Variants in NRXN3 observed in about 807,000 individuals in gnomAD.
NRXN3 encodes the protein neurexin 3.
A neutral mutation model predicts 137.6 loss-of-function variants in NRXN3; 32 were observed. The ratio of observed to expected loss-of-function variants is 0.23; its 90% CI spans 0.18 to 0.31. The LOEUF (loss-of-function observed/expected upper bound fraction) is 0.31, where lower values mean the gene tolerates loss of function less well. Among genes scored for constraint, NRXN3 ranks in the 10% least tolerant of loss-of-function variants. The pLI is 1.00. For synonymous variants in NRXN3, 798 were observed against 784.5 expected (o/e 1.02, Z -0.29); for missense variants, 1,574 against 2,062.5 (o/e 0.76, Z 4.59).
intron 16 of NRXN3, among the ~76,000 whole-genome samples, chr14:79,482,917 TA>T (rs2096622446): frequency 6.6e-6 from 1 of 152,150 alleles, no homozygotes; most frequent in Non-Finnish European, 1.5e-5. Context: ...TCCCTTTACT[TA>T]ACTGAATGCT....
At chr14:79,003,540 T>A (rs1304702980) in intron 15 of NRXN3, among the ~76,000 whole-genome samples, 7 of 152,158 alleles carry the variant, frequency 4.6e-5, no homozygotes. Context: ...TGCTTTAACA[T>A]GAAACGTGAG....
intron 16 of NRXN3, among the ~76,000 whole-genome samples, chr14:79,627,147 T>C (rs1245985763): frequency 6.6e-6 from 1 of 152,190 alleles, no homozygotes; most frequent in African/African-American, 2.4e-5. Context: ...TTTCTTGAGA[T>C]GAATTTGTGG....
intron 19 of NRXN3, among the ~76,000 whole-genome samples, chr14:79,709,381 A>G (rs919292445): frequency 3.3e-5 from 5 of 152,216 alleles, no homozygotes; most frequent in African/African-American, 1.2e-4. Flanking sequence ...TAAGGATTAG[A>G]AGAGAAAACT....
chr14:79,103,940 C>T (rs1244459140), intron 15 of NRXN3, among the ~76,000 whole-genome samples: 3 of 152,114 alleles, frequency 2.0e-5, no homozygotes, highest in Admixed American at 6.6e-5. Context: ...TCTGCACAAG[C>T]AATAGACACA....
chr14:79,675,351 A>T (rs1361142362), intron 17 of NRXN3, among the ~76,000 whole-genome samples: 1 of 152,118 alleles, frequency 6.6e-6, no homozygotes, highest in Non-Finnish European at 1.5e-5. Context: ...GTCTGCTGTT[A>T]TAATGCAAAA....
At chr14:79,819,709 T>C (rs1440294352) in intron 20 of NRXN3, among the ~76,000 whole-genome samples, 2 of 151,934 alleles carry the variant, frequency 1.3e-5, no homozygotes, top group East Asian at 3.9e-4. Flanking sequence ...GGTCTCGAAC[T>C]CCTGACCTCG....
At chr14:78,902,936 C>G (rs779759968) in intron 10 of NRXN3, among the ~76,000 whole-genome samples, 1 of 151,668 alleles carries the variant, frequency 6.6e-6, no homozygotes, top group Non-Finnish European at 1.5e-5. Context: ...TATGTACTGC[C>G]TCTTATCCTC....
intron 16 of NRXN3, among the ~76,000 whole-genome samples, chr14:79,596,455 A>G (rs2153828557): frequency 6.6e-6 from 1 of 152,324 alleles, no homozygotes; most frequent in East Asian, 1.9e-4. Context: ...ATGTGTTCTG[A>G]ACCAAGAGAT....
At chr14:78,261,924 C>T (rs371229112) in intron 2 of NRXN3, among the ~76,000 whole-genome samples, 6 of 152,290 alleles carry the variant, frequency 3.9e-5, no homozygotes, top group East Asian at 1.9e-4. Context: ...ACAGTTATGG[C>T]GCCTGTCTGC....
chr14:79,576,378 C>T (rs1286872079), intron 16 of NRXN3, among the ~76,000 whole-genome samples: 1 of 152,170 alleles, frequency 6.6e-6, no homozygotes, highest in African/African-American at 2.4e-5. Flanking sequence ...CATGACAGCA[C>T]AACACCTTCT....
intron 4 of NRXN3, among the ~76,000 whole-genome samples, chr14:78,455,881 A>G (rs993566299): frequency 2.5e-4 from 38 of 152,172 alleles, no homozygotes; most frequent in African/African-American, 8.7e-4. Flanking sequence ...TCCAAATTCC[A>G]GACTTTGCTC....
rs568163380 is a variant in NRXN3, at chr14:78,212,711, G to A, written c.-703-29680G>A. ...ATCAGCATTTTGGTGATTTTAAGAAGATACACTGTGCTTTTTAATCCAGAT... is the reference window on the plus strand; with the variant it reads ...ATCAGCATTTTGGTGATTTTAAGAAAATACACTGTGCTTTTTAATCCAGAT... On this transcript the variant is annotated intron_variant, in intron 1 of 20. Transcript: ENST00000335750. 3.3e-5 allele frequency among the ~76,000 whole-genome samples: 5 copies of A among 152,306 alleles called. 1 individual carries two copies. In the South Asian group the frequency reaches 1.0e-3, roughly 32 times the overall value.
intron 4 of NRXN3, among the ~76,000 whole-genome samples, chr14:78,598,032 T>C (rs923487322): frequency 5.9e-5 from 9 of 152,206 alleles, no homozygotes; most frequent in African/African-American, 2.2e-4. Context: ...TGGGCCACCT[T>C]GAAGGGCAAG....
At chr14:79,209,111 T>C (rs2067251210) in intron 15 of NRXN3, among the ~76,000 whole-genome samples, 1 of 152,096 alleles carries the variant, frequency 6.6e-6, no homozygotes, top group Non-Finnish European at 1.5e-5. Flanking sequence ...GCTAATTTTT[T>C]GTGTTTTTAG....
intron 15 of NRXN3, among the ~76,000 whole-genome samples, chr14:79,101,536 T>G (rs1005208060): frequency 5.3e-5 from 8 of 152,186 alleles, no homozygotes; most frequent in Admixed American, 2.0e-4. Flanking sequence ...CCCTGTGTTG[T>G]CTGTTTGAAG....
intron 15 of NRXN3, among the ~76,000 whole-genome samples, chr14:79,008,449 A>G (rs1461441596): frequency 6.6e-6 from 1 of 152,222 alleles, no homozygotes; most frequent in Non-Finnish European, 1.5e-5. Context: ...ATGTACAAGA[A>G]TAATGAAATA....
chr14:78,780,215 A>G (rs2098763970), intron 8 of NRXN3, among the ~76,000 whole-genome samples: 1 of 152,230 alleles, frequency 6.6e-6, no homozygotes, highest in Admixed American at 6.5e-5. Context: ...TTAATAAACA[A>G]ACTAGTCAAC....
intron 16 of NRXN3, among the ~76,000 whole-genome samples, chr14:79,638,005 C>T (rs1009330935): frequency 2.0e-5 from 3 of 152,072 alleles, no homozygotes; most frequent in African/African-American, 7.2e-5. Context: ...GCTGAGATTA[C>T]AGGCATGAGC....
chr14:78,749,677 G>A (rs909032943), intron 8 of NRXN3, among the ~76,000 whole-genome samples: 1 of 152,168 alleles, frequency 6.6e-6, no homozygotes, highest in Non-Finnish European at 1.5e-5. Flanking sequence ...ATAGAGAAAT[G>A]GCTTCAGAGA....
Sources: gnomAD v4.1 joint callset for allele counts (sites outside exome capture counted in the v4.1 genomes callset) on GRCh38, gnomAD v4.1.1 for gene constraint, MANE v1.5 for transcripts, NCBI Gene and HGNC (gene_info 2026-07-23, HGNC 2026-07-21) for gene names.